CSMD1: variants seen among roughly 807,000 people sequenced by gnomAD.
The protein encoded by CSMD1 is CUB and sushi domain-containing protein 1.
A neutral mutation model predicts 417.5 loss-of-function variants in CSMD1; 213 were observed. That is an observed-to-expected ratio of 0.51 (90% CI 0.46 to 0.57). CSMD1 has a LOEUF of 0.57. CSMD1 is among the 20% of genes least tolerant of loss of function. CSMD1 has a pLI of 0.00. For synonymous variants in CSMD1, 2,862 were observed against 1,736.8 expected (o/e 1.65, Z -16.11); for missense variants, 6,923 against 4,529.7 (o/e 1.53, Z -15.17).
At chr8:3,324,061 T>A (rs71502954) in intron 23 of CSMD1, among the ~76,000 whole-genome samples, 13 of 125,694 alleles carry the variant, frequency 1.0e-4, no homozygotes, top group Admixed American at 1.0e-3. Flanking sequence ...ATTGTTAAAA[T>A]AGACACACAC....
At chr8:3,900,954 G>A (rs1325997848) in intron 5 of CSMD1, among the ~76,000 whole-genome samples, 1 of 152,178 alleles carries the variant, frequency 6.6e-6, no homozygotes, top group East Asian at 1.9e-4. Flanking sequence ...GGTCTATAAA[G>A]GACAGAACAG....
intron 3 of CSMD1, among the ~76,000 whole-genome samples, chr8:4,093,160 G>T (rs1301085480): frequency 6.6e-6 from 1 of 151,990 alleles, no homozygotes; most frequent in African/African-American, 2.4e-5. Flanking sequence ...ACTGTTTGCA[G>T]GTTTACAGTA....
intron 1 of CSMD1, among the ~76,000 whole-genome samples, chr8:4,664,287 CG>C (rs1804782081): frequency 6.6e-6 from 1 of 152,126 alleles, no homozygotes; most frequent in Non-Finnish European, 1.5e-5. Flanking sequence ...ATGCTGGGCA[CG>C]GTGGCTCACG....
intron 1 of CSMD1, among the ~76,000 whole-genome samples, chr8:4,729,300 C>G (rs961488598): frequency 6.6e-6 from 1 of 152,074 alleles, no homozygotes; most frequent in Admixed American, 6.6e-5. Context: ...ATGCAGTCAT[C>G]GATGATCCAC....
At chr8:4,571,642 T>C (rs962307111) in intron 2 of CSMD1, among the ~76,000 whole-genome samples, 2 of 152,118 alleles carry the variant, frequency 1.3e-5, no homozygotes, top group Non-Finnish European at 2.9e-5. Flanking sequence ...GACAGTTCTA[T>C]AGATGTACTA....
intron 3 of CSMD1, among the ~76,000 whole-genome samples, chr8:4,106,724 C>G (rs982839445): frequency 2.6e-5 from 4 of 152,164 alleles, no homozygotes; most frequent in Non-Finnish European, 4.4e-5. Context: ...GTTTTATACA[C>G]ACAGCTCTTA....
At chr8:4,196,820 A>T (rs1799366137) in intron 3 of CSMD1, among the ~76,000 whole-genome samples, 1 of 152,148 alleles carries the variant, frequency 6.6e-6, no homozygotes, top group African/African-American at 2.4e-5. Flanking sequence ...TTAAGGAATG[A>T]ACACACTGGG....
At chr8:4,438,790 G>T (rs1013359436) in intron 2 of CSMD1, among the ~76,000 whole-genome samples, 2 of 152,184 alleles carry the variant, frequency 1.3e-5, no homozygotes, top group Non-Finnish European at 1.5e-5. Context: ...GTGCTTGAAG[G>T]ATCAAAAGAT....
At chr8:4,957,933 C>T (rs1005567803) in intron 1 of CSMD1, among the ~76,000 whole-genome samples, 2 of 152,292 alleles carry the variant, frequency 1.3e-5, no homozygotes, top group Middle Eastern at 3.4e-3. Context: ...TAGTCATTTA[C>T]TTGAAGTACT....
intron 3 of CSMD1, among the ~76,000 whole-genome samples, chr8:4,371,586 A>C (rs774692782): frequency 6.6e-6 from 1 of 152,206 alleles, no homozygotes; most frequent in Non-Finnish European, 1.5e-5. Context: ...ATGGATTCAA[A>C]ATGCTGATTT....
At chr8:3,533,293 T>A (rs1388842723) in intron 10 of CSMD1, among the ~76,000 whole-genome samples, 1 of 151,406 alleles carries the variant, frequency 6.6e-6, no homozygotes, top group Non-Finnish European at 1.5e-5. Context: ...AAATGCCCAA[T>A]ATAATATAAT....
intron 12 of CSMD1, among the ~76,000 whole-genome samples, chr8:3,455,077 G>T (rs954927800): frequency 6.6e-6 from 1 of 152,094 alleles, no homozygotes; most frequent in East Asian, 1.9e-4. Context: ...TTCCATCACT[G>T]ATACCCTTTC....
At position 3,510,645 on chromosome 8, in the gene CSMD1, C is replaced by T. The variant is rs139408054; in HGVS notation, c.1345-16919G>A. Among the ~76,000 whole-genome samples the T allele has an allele frequency of 8.0e-3, 1,209 of 151,674 alleles. 56 individuals are homozygous for T. The highest frequency in any genetic ancestry group is 0.028 in the African/African-American group (1,151 of 41,102). On this transcript the variant is annotated intron_variant, in intron 10 of 69. Coordinates refer to ENST00000635120, the MANE Select transcript of CSMD1 (RefSeq NM_033225.6). ...GAAGAATAACATACGATAAAAAAAT[C>T]ACATTTCAGATTATGTAAGATATAG...
chr8:3,599,015 G>A (rs539758555), intron 8 of CSMD1, among the ~76,000 whole-genome samples: 2 of 151,972 alleles, frequency 1.3e-5, no homozygotes, highest in Non-Finnish European at 2.9e-5. Flanking sequence ...TGGGAGGTAG[G>A]GGTTGCAGTG....
At chr8:3,002,287 C>T (rs1357813006) in intron 52 of CSMD1, among the ~76,000 whole-genome samples, 1 of 152,216 alleles carries the variant, frequency 6.6e-6, no homozygotes, top group Non-Finnish European at 1.5e-5. Context: ...GAAGGTTCCC[C>T]TTTCCAGACG....
At chr8:3,971,919 T>C (rs977555017) in intron 5 of CSMD1, among the ~76,000 whole-genome samples, 1 of 152,182 alleles carries the variant, frequency 6.6e-6, no homozygotes, top group East Asian at 1.9e-4. Flanking sequence ...TGTTTGTCTA[T>C]TTTTTTGAGA....
chr8:4,131,132 G>A (rs1803076675), intron 3 of CSMD1, among the ~76,000 whole-genome samples: 1 of 152,166 alleles, frequency 6.6e-6, no homozygotes, highest in African/African-American at 2.4e-5. Flanking sequence ...TCATTTACAA[G>A]TTATAATCAT....
At position 3,792,336 on chromosome 8, in the gene CSMD1, A is replaced by C. The variant is rs377305746; in HGVS notation, c.819-38294T>G. ...ACTTCCTGGGAGATAATAATAATAAAATCAATGAACACCCACATGTACATT... is the reference window on the plus strand; with the variant it reads ...ACTTCCTGGGAGATAATAATAATAACATCAATGAACACCCACATGTACATT... On this transcript the variant is annotated intron_variant, in intron 5 of 69. Coordinates refer to ENST00000635120, the MANE Select transcript of CSMD1 (RefSeq NM_033225.6). 2.6e-4 allele frequency among the ~76,000 whole-genome samples: 39 copies of C among 152,202 alleles called. No homozygotes were observed. In the East Asian group the frequency reaches 6.6e-3, roughly 26 times the overall value.
At chr8:4,138,595 A>C (rs896414454) in intron 3 of CSMD1, among the ~76,000 whole-genome samples, 1 of 149,972 alleles carries the variant, frequency 6.7e-6, no homozygotes, top group Non-Finnish European at 1.5e-5. Flanking sequence ...TTAGAAATTC[A>C]AGAAAGCAAA....
Sources: allele counts gnomAD v4.1 joint callset (sites outside exome capture counted in the v4.1 genomes callset), GRCh38; gene constraint gnomAD v4.1.1; transcripts MANE v1.5; gene names NCBI Gene and HGNC (gene_info 2026-07-23, HGNC 2026-07-21).